NAV2: variants seen among roughly 807,000 people sequenced by gnomAD.
The protein encoded by NAV2 is helicase, APC down-regulated 1.
In NAV2, 54 loss-of-function variants were observed where a neutral mutation model predicts 223.2. The ratio of observed to expected loss-of-function variants is 0.24; its 90% CI spans 0.19 to 0.30. The LOEUF (loss-of-function observed/expected upper bound fraction) is 0.30, where lower values mean the gene tolerates loss of function less well. Ranked by LOEUF, NAV2 falls within the 10% of genes least tolerant of loss-of-function variation. NAV2 has a pLI of 1.00. For synonymous variants in NAV2, 1,279 were observed against 1,239.3 expected (o/e 1.03, Z -0.67); for missense variants, 2,806 against 3,147.5 (o/e 0.89, Z 2.60).
Position 19,713,793 on chromosome 11 carries a change from G to T in NAV2, c.98G>T (p.Gly33Val). 1.2e-6 allele frequency: 2 copies of T among 1,612,878 alleles called. No individual in the cohort carries two copies. Among genetic ancestry groups the T allele is most frequent in the Non-Finnish European group, 8.5e-7 (1 of 1,179,684 alleles). ...PILHVPPARAGPQPCYLKLGS... is the reference protein window; with the variant it reads ...PILHVPPARAVPQPCYLKLGS... Reference sequence around the variant, plus strand: ...CTGCACGTGCCCCCGGCCCGGGCGGGCCCCCAGCCCTGCTACCTGAAGTTG... The same window carrying T: ...CTGCACGTGCCCCCGGCCCGGGCGGTCCCCCAGCCCTGCTACCTGAAGTTG... Residue 33 changes from glycine to valine, a missense_variant, in exon 1 of 38, where the codon GGC (glycine) becomes GTC (valine). This residue lies in a region of NAV2 where 1,167 missense variants were observed against 1,180.5 expected (regional missense o/e 0.99). Coordinates refer to ENST00000349880, the MANE Select transcript of NAV2 (RefSeq NM_145117.5). This position sits in a 1 kb window ranked among gnomAD's most constrained non-coding sequence, Gnocchi z 7.2.
chr11:19,850,821 CT>C (rs2061075248), intron 3 of NAV2, among the ~76,000 whole-genome samples: 2 of 152,120 alleles, frequency 1.3e-5, no homozygotes, highest in Admixed American at 1.3e-4. Flanking sequence ...TTCTAAGTGC[CT>C]TCCATGTTTT....
In NAV2 at chr11:19,842,873, A is replaced by G. The variant is rs775388344; in HGVS notation, c.388A>G (p.Asn130Asp). Residue 130 changes from asparagine (N) to aspartate (D), a missense_variant and splice_region_variant, in exon 3 of 38, where the codon AAT becomes GAT. Around this residue, in one of 4 missense-constraint regions of NAV2, gnomAD observed 1,167 missense variants for 1,180.5 expected, o/e 0.99. Transcript: ENST00000349880. The stretch of plus-strand genomic sequence containing the variant: ...CTGACTTGTGTTTCCTTTTTCAGCA[A>G]ATGAAAAGATTGAAGACATCAATGG... ...LLAQIIQVVANEKIEDINGCP... is the reference protein window; with the variant it reads ...LLAQIIQVVADEKIEDINGCP... 14 of 1,613,732 alleles carry G rather than the reference A, an allele frequency of 8.7e-6. No homozygotes were observed. In the East Asian group the frequency reaches 2.9e-4, roughly 33 times the overall value.
chr11:19,893,153 T>A (rs916614828), intron 6 of NAV2, among the ~76,000 whole-genome samples: 2 of 152,194 alleles, frequency 1.3e-5, no homozygotes, highest in African/African-American at 4.8e-5. Context: ...TTTTTTTTTT[T>A]TTTTTACTAT....
intron 19 of NAV2, among the ~76,000 whole-genome samples, chr11:20,057,303 TACAGAGCA>T (rs1213656374): frequency 6.6e-6 from 1 of 152,220 alleles, no homozygotes; most frequent in African/African-American, 2.4e-5. Context: ...AGAATGTATT[TACAGAGCA>T]ATTGCCCCCT....
intron 1 of NAV2, among the ~76,000 whole-genome samples, chr11:19,494,571 G>A (rs776225313): frequency 8.5e-5 from 13 of 152,228 alleles, no homozygotes; most frequent in Non-Finnish European, 1.6e-4. Context: ...ACCTATATGT[G>A]TGTGGTGCAA....
chr11:19,452,278 A>G (rs768052361), intron 1 of NAV2, among the ~76,000 whole-genome samples: 5 of 152,234 alleles, frequency 3.3e-5, no homozygotes, highest in Admixed American at 1.3e-4. Flanking sequence ...TCAAATAGTT[A>G]TGGAAGAACT....
chr11:19,868,091 G>C (rs2062206639), intron 3 of NAV2, among the ~76,000 whole-genome samples: 1 of 152,160 alleles, frequency 6.6e-6, no homozygotes, highest in Non-Finnish European at 1.5e-5. Context: ...ATGAGGGGTG[G>C]GGTGATTGTG....
chr11:20,001,624 A>G (rs1565739944), intron 11 of NAV2, among the ~76,000 whole-genome samples: 1 of 143,190 alleles, frequency 7.0e-6, no homozygotes, highest in Non-Finnish European at 1.5e-5. Flanking sequence ...AAGCCACCGC[A>G]TGTTCTCACT....
chr11:19,842,247 T>C (rs563863319), intron 2 of NAV2, among the ~76,000 whole-genome samples: 11 of 152,304 alleles, frequency 7.2e-5, no homozygotes, highest in African/African-American at 2.6e-4. Flanking sequence ...ATGCAACCTC[T>C]TTCCATCACT....
intron 1 of NAV2, among the ~76,000 whole-genome samples, chr11:19,498,024 C>T (rs2042852718): frequency 6.6e-6 from 1 of 152,210 alleles, no homozygotes; most frequent in Non-Finnish European, 1.5e-5. Flanking sequence ...GAAACTGATG[C>T]ACTGAGAAGT....
intron 1 of NAV2, among the ~76,000 whole-genome samples, chr11:19,438,351 G>A (rs1851283681): frequency 6.6e-6 from 1 of 152,208 alleles, no homozygotes; most frequent in Non-Finnish European, 1.5e-5. Flanking sequence ...GGGAGCAGGG[G>A]AAGCACAGGT....
rs11025230 is a variant in NAV2, at chr11:19,739,230, A to C, written c.267+25268A>C. On this transcript the variant is annotated intron_variant, in intron 1 of 37. Transcript: ENST00000349880. ...GACAACTCTTACACACTTCCCTTGTAATCCTCCCAACTTGGTCAGTAAAAT... is the reference window on the plus strand; with the variant it reads ...GACAACTCTTACACACTTCCCTTGTCATCCTCCCAACTTGGTCAGTAAAAT... Among the ~76,000 whole-genome samples the C allele has an allele frequency of 2.4e-3, 373 of 152,308 alleles. 3 individuals are homozygous for C. Among genetic ancestry groups the C allele is most frequent in the African/African-American group, 8.6e-3 (359 of 41,572 alleles).
chr11:19,555,027 AAT>A (rs1491488030), intron 1 of NAV2, among the ~76,000 whole-genome samples: 9 of 151,842 alleles, frequency 5.9e-5, no homozygotes, highest in Non-Finnish European at 1.0e-4. Flanking sequence ...AAAAAAAAAA[AAT>A]CTTATCTACC....
intron 1 of NAV2, among the ~76,000 whole-genome samples, chr11:19,754,447 G>A (rs1310502372): frequency 2.0e-5 from 3 of 152,180 alleles, no homozygotes; most frequent in African/African-American, 7.2e-5. Context: ...TGAAGAAGTG[G>A]TGAAGGAAGA....
intron 1 of NAV2, among the ~76,000 whole-genome samples, chr11:19,596,906 C>G (rs2046220337): frequency 6.6e-6 from 1 of 152,216 alleles, no homozygotes; most frequent in South Asian, 2.1e-4. Context: ...TAACTATCCC[C>G]ACTCTGCAGA....
chr11:19,588,501 G>C (rs1188671213), intron 1 of NAV2, among the ~76,000 whole-genome samples: 1 of 152,034 alleles, frequency 6.6e-6, no homozygotes, highest in Non-Finnish European at 1.5e-5. Flanking sequence ...GTCTGCCATA[G>C]GCAGAGAAAA....
intron 10 of NAV2, among the ~76,000 whole-genome samples, chr11:19,957,101 C>T (rs12420891): frequency 6.6e-6 from 1 of 152,208 alleles, no homozygotes. Context: ...TCACTTGCCC[C>T]TAATGCACTG....
At chr11:19,678,289 T>G (rs2048776991) in intron 1 of NAV2, among the ~76,000 whole-genome samples, 1 of 152,238 alleles carries the variant, frequency 6.6e-6, no homozygotes. Context: ...GTACAATTAG[T>G]ATTCTCGTTT....
At chr11:19,729,818 C>G (rs1358995897) in intron 1 of NAV2, among the ~76,000 whole-genome samples, 1 of 152,098 alleles carries the variant, frequency 6.6e-6, no homozygotes, top group African/African-American at 2.4e-5. Flanking sequence ...GTAACAGTGG[C>G]CTTTGGATCT....
Sources: gnomAD v4.1 joint callset for allele counts (sites outside exome capture counted in the v4.1 genomes callset) on GRCh38, gnomAD v4.1.1 for gene constraint, gnomAD v4.1.1 regional missense constraint, Gnocchi (gnomAD v3.1) non-coding constraint, MANE v1.5 for transcripts, NCBI Gene and HGNC (gene_info 2026-07-23, HGNC 2026-07-21) for gene names.